The following TMEM163 variants were observed in gnomAD, a reference collection of about 807,000 sequenced individuals.
TMEM163 encodes the protein transmembrane protein 163.
Under a neutral mutation model 29.3 loss-of-function variants are expected in TMEM163, and 17 were observed. That is an observed-to-expected ratio of 0.58 (90% confidence interval 0.40 to 0.87). The LOEUF is 0.87. Ranked by LOEUF, TMEM163 falls within the 40% of genes least tolerant of loss-of-function variation. The probability of loss-of-function intolerance (pLI) is 0.00; values close to 1 mark genes in which losing one functional copy is unlikely to be tolerated. For synonymous variants in TMEM163, 157 were observed against 160.6 expected, an observed-to-expected ratio of 0.98 and a Z score of 0.17; for missense variants, 303 against 381.5, an observed-to-expected ratio of 0.79 and a Z score of 1.71.
At chr2:134,614,482 C>T (rs1336093931) in intron 2 of TMEM163, among the ~76,000 whole-genome samples, 1 of 152,022 alleles carries the variant, frequency 6.6e-6, no homozygotes, top group Non-Finnish European at 1.5e-5. Context: ...TAAGGATCTA[C>T]AGTGAGGCCA....
At chr2:134,587,570 G>A (rs1050249945) in intron 2 of TMEM163, among the ~76,000 whole-genome samples, 3 of 152,186 alleles carry the variant, frequency 2.0e-5, no homozygotes, top group African/African-American at 7.2e-5. Flanking sequence ...AGACACAAGA[G>A]AACCCAGACA....
At chr2:134,500,756 T>C (rs1037801107) in intron 5 of TMEM163, among the ~76,000 whole-genome samples, 2 of 151,996 alleles carry the variant, frequency 1.3e-5, no homozygotes, top group African/African-American at 4.8e-5. Context: ...TTTTCACTCA[T>C]GTGCGAATTA....
chr2:134,545,138 TG>T (rs1188843019), intron 4 of TMEM163, among the ~76,000 whole-genome samples: 1 of 152,164 alleles, frequency 6.6e-6, no homozygotes. Flanking sequence ...TAATGCAGCT[TG>T]GAGGTCACGA....
At chr2:134,478,936 T>G (rs1252600336) in intron 5 of TMEM163, among the ~76,000 whole-genome samples, 1 of 152,204 alleles carries the variant, frequency 6.6e-6, no homozygotes, top group Non-Finnish European at 1.5e-5. Flanking sequence ...CTTGGGATAC[T>G]GCTCCCCTCA....
At chr2:134,614,837 G>C (rs1307696806) in intron 2 of TMEM163, among the ~76,000 whole-genome samples, 2 of 151,466 alleles carry the variant, frequency 1.3e-5, no homozygotes, top group Non-Finnish European at 2.9e-5. Flanking sequence ...CTGTGCGACA[G>C]AGTGAGAGAC....
At chr2:134,665,779 T>G (rs1035004431) in intron 2 of TMEM163, among the ~76,000 whole-genome samples, 1 of 152,164 alleles carries the variant, frequency 6.6e-6, no homozygotes, top group Non-Finnish European at 1.5e-5. Context: ...TCTCCGGACC[T>G]CAGCATCTGC....
chr2:134,707,909 T>C (rs1308347390), intron 2 of TMEM163, among the ~76,000 whole-genome samples: 2 of 151,318 alleles, frequency 1.3e-5, no homozygotes, highest in African/African-American at 2.4e-5. Flanking sequence ...TTTTTTTTTT[T>C]TTTTTTTGAG....
intron 1 of TMEM163, among the ~76,000 whole-genome samples, chr2:134,715,053 A>G (rs1310240431): frequency 2.6e-5 from 4 of 152,218 alleles, no homozygotes; most frequent in African/African-American, 7.2e-5. Context: ...AAGCTATAAC[A>G]TTTAAGTACT....
chr2:134,656,280 C>T (rs1683609914), intron 2 of TMEM163, among the ~76,000 whole-genome samples: 3 of 150,964 alleles, frequency 2.0e-5, no homozygotes, highest in African/African-American at 7.4e-5. Flanking sequence ...GTCTGAAAAG[C>T]GCAATATTCG....
intron 5 of TMEM163, among the ~76,000 whole-genome samples, chr2:134,501,684 C>T (rs766615365): frequency 2.0e-5 from 3 of 152,060 alleles, no homozygotes; most frequent in East Asian, 1.9e-4. Context: ...GAGGAGGACG[C>T]GAGAGTCCCA....
At chr2:134,470,844 A>C (rs1173067446) in intron 5 of TMEM163, among the ~76,000 whole-genome samples, 1 of 152,184 alleles carries the variant, frequency 6.6e-6, no homozygotes, top group African/African-American at 2.4e-5. Context: ...CATGAACAGA[A>C]TGTCACAGAG....
chr2:134,561,818 A>G lies in TMEM163; in HGVS notation c.323-9727T>C, dbSNP rs117056358. 4.8e-3 allele frequency among the ~76,000 whole-genome samples: 724 copies of G among 152,272 alleles called. 15 individuals are homozygous for G. In the East Asian group the frequency reaches 0.07, roughly 15 times the overall value. On this transcript the variant is annotated intron_variant, in intron 2 of 7. Transcript: ENST00000281924. ...TAACATGAGTAGCCACGCTCAACTA[A>G]TCAGTCTTTCATTCAACCAACAAGT...
At chr2:134,471,741 C>A (rs955917836) in intron 5 of TMEM163, among the ~76,000 whole-genome samples, 2 of 152,172 alleles carry the variant, frequency 1.3e-5, no homozygotes, top group African/African-American at 2.4e-5. Context: ...GCGGCCGCAC[C>A]TACCATGCCA....
intron 6 of TMEM163, among the ~76,000 whole-genome samples, chr2:134,463,910 A>C (rs1032287422): frequency 6.6e-6 from 1 of 152,178 alleles, no homozygotes; most frequent in African/African-American, 2.4e-5. Flanking sequence ...GCCTGGCAGG[A>C]GGCAGCAACC....
At chr2:134,626,979 G>T (rs191281585) in intron 2 of TMEM163, among the ~76,000 whole-genome samples, 154 of 152,232 alleles carry the variant, frequency 1.0e-3, no homozygotes, top group African/African-American at 2.9e-3. Flanking sequence ...TTACATGCTC[G>T]CCAGCAGCGT....
intron 2 of TMEM163, among the ~76,000 whole-genome samples, chr2:134,633,356 G>A (rs950892628): frequency 1.3e-5 from 2 of 152,116 alleles, no homozygotes; most frequent in Non-Finnish European, 2.9e-5. Context: ...TGAGGGAGGA[G>A]GATAGGAGGA....
intron 2 of TMEM163, among the ~76,000 whole-genome samples, chr2:134,552,672 T>C (rs1184389618): frequency 6.8e-6 from 1 of 147,488 alleles, no homozygotes; most frequent in African/African-American, 2.5e-5. Flanking sequence ...TTTTTTTTTT[T>C]TTTTTTTGAG....
chr2:134,703,597 T>C (rs1479004521), intron 2 of TMEM163, among the ~76,000 whole-genome samples: 3 of 152,116 alleles, frequency 2.0e-5, no homozygotes, highest in Non-Finnish European at 4.4e-5. Context: ...TCTGCTTGTG[T>C]GGGGCCAGGA....
Position 134,456,582 on chromosome 2 carries a change from G to A in TMEM163, c.*134C>T. 1 of 1,092,374 alleles carries A rather than the reference G, an allele frequency of 9.2e-7. No individual in the cohort carries two copies. The highest frequency in any genetic ancestry group is 1.4e-5 in the South Asian group (1 of 71,254). The allele number at this position is 1,092,374 out of a possible 1,614,324, so 67.7% of individuals were successfully genotyped here. On this transcript the variant is annotated 3_prime_UTR_variant, in exon 8 of 8. Coordinates refer to ENST00000281924, the MANE Select transcript of TMEM163 (RefSeq NM_030923.5). ...CAAGGTAGATCCACCTGGCTGGGCAGACCTTGTCTTGTAATGACAAACCAT... is the reference window on the plus strand; with the variant it reads ...CAAGGTAGATCCACCTGGCTGGGCAAACCTTGTCTTGTAATGACAAACCAT...
Sources: gnomAD v4.1 joint callset for allele counts (sites outside exome capture counted in the v4.1 genomes callset) on GRCh38, gnomAD v4.1.1 for gene constraint, MANE v1.5 for transcripts, NCBI Gene and HGNC (gene_info 2026-07-23, HGNC 2026-07-21) for gene names.